NRG1: variants seen among roughly 807,000 people sequenced by gnomAD.
NRG1 encodes pro-neuregulin-1, membrane-bound isoform.
A neutral mutation model predicts 63.8 loss-of-function variants in NRG1; 18 were observed. The observed-to-expected ratio is 0.28, with a 90% CI of 0.19 to 0.42. The LOEUF (loss-of-function observed/expected upper bound fraction) is 0.42, where lower values mean the gene tolerates loss of function less well. Among genes scored for constraint, NRG1 ranks in the 10% least tolerant of loss-of-function variants. NRG1 has a pLI of 1.00. For synonymous variants in NRG1, 302 were observed against 301.3 expected (o/e 1.00, Z -0.02); for missense variants, 762 against 814.7 (o/e 0.94, Z 0.79).
At chr8:32,675,174 G>C (rs1273169232) in intron 5 of NRG1, among the ~76,000 whole-genome samples, 1 of 152,118 alleles carries the variant, frequency 6.6e-6, no homozygotes, top group Admixed American at 6.6e-5. Flanking sequence ...ATGTTCTGGT[G>C]AAAATTACTC....
At chr8:32,519,845 C>A (rs1303414249) in intron 1 of NRG1, among the ~76,000 whole-genome samples, 1 of 152,246 alleles carries the variant, frequency 6.6e-6, no homozygotes, top group East Asian at 1.9e-4. Context: ...CCCCAAATCT[C>A]TATACCCTTC....
rs570519480 is a variant in NRG1 at position 31,846,212 on chromosome 8, C to T, written c.37+206781C>T. On this transcript the variant is annotated intron_variant, in intron 1 of 10. Transcript: ENST00000519301. ...GGTGAATTCTAAAATTACCTTATAA[C>T]TTGATTTCAGAATATAGTTACACAA... Among the ~76,000 whole-genome samples the T allele has an allele frequency of 3.9e-5, 6 of 152,276 alleles. No individual in the cohort carries two copies. The East Asian group carries it at 9.6e-4, about 24-fold the overall frequency.
chr8:31,658,871 G>A lies in NRG1; in HGVS notation c.37+19440G>A, dbSNP rs543559788. ...AGACTAGCAATAGCAGCAGAATGAAGATGAATCTTGACTACTTGATTGCTG... is the reference window on the plus strand; with the variant it reads ...AGACTAGCAATAGCAGCAGAATGAAAATGAATCTTGACTACTTGATTGCTG... On this transcript the variant is annotated intron_variant, in intron 1 of 10. Transcript: ENST00000519301. 1.8e-4 allele frequency among the ~76,000 whole-genome samples: 27 copies of A among 152,298 alleles called. No homozygotes were observed. In the South Asian group the frequency reaches 5.2e-3, roughly 29 times the overall value.
chr8:31,713,109 ATTTTTTTTTTTT>A (rs11304829), intron 1 of NRG1, among the ~76,000 whole-genome samples: 3 of 86,042 alleles, frequency 3.5e-5, no homozygotes, highest in Non-Finnish European at 4.7e-5. Context: ...ACTCCTTCTA[ATTTTTTTTTTTT>A]TTTTTTTTTT....
chr8:32,678,364 A>G (rs553867004), intron 5 of NRG1, among the ~76,000 whole-genome samples: 1 of 152,210 alleles, frequency 6.6e-6, no homozygotes, highest in Non-Finnish European at 1.5e-5. Context: ...ATAATAATGT[A>G]AATGTCATCT....
intron 1 of NRG1, among the ~76,000 whole-genome samples, chr8:32,261,619 T>G (rs1404021761): frequency 6.6e-6 from 1 of 152,076 alleles, no homozygotes; most frequent in Non-Finnish European, 1.5e-5. Flanking sequence ...ACCCAAAATC[T>G]ATTGAATCAG....
At chr8:32,355,455 G>A (rs562082788) in intron 1 of NRG1, among the ~76,000 whole-genome samples, 48 of 152,018 alleles carry the variant, frequency 3.2e-4, no homozygotes, top group East Asian at 5.8e-4. Context: ...CAAGACTCCC[G>A]TCTCAAAAAA....
intron 5 of NRG1, among the ~76,000 whole-genome samples, chr8:32,641,384 C>T (rs1852370396): frequency 6.6e-6 from 1 of 152,016 alleles, no homozygotes; most frequent in African/African-American, 2.4e-5. Context: ...GTGCAACCAC[C>T]CCTTCCATCT....
At chr8:31,746,207 C>T (rs1815845203) in intron 1 of NRG1, among the ~76,000 whole-genome samples, 1 of 151,912 alleles carries the variant, frequency 6.6e-6, no homozygotes, top group South Asian at 2.1e-4. Flanking sequence ...TGTTTGAATA[C>T]ATGGCCACCA....
chr8:31,761,806 C>A (rs1275928713), intron 1 of NRG1, among the ~76,000 whole-genome samples: 2 of 152,044 alleles, frequency 1.3e-5, no homozygotes, highest in African/African-American at 4.8e-5. Flanking sequence ...AAATGTGACA[C>A]GGAGAGATGA....
intron 1 of NRG1, among the ~76,000 whole-genome samples, chr8:32,362,950 G>A (rs1459498478): frequency 1.3e-5 from 2 of 152,090 alleles, no homozygotes; most frequent in African/African-American, 2.4e-5. Context: ...ACAGCAGAGG[G>A]GCCCTCATTA....
chr8:32,652,671 AT>A (rs1429227569), intron 5 of NRG1, among the ~76,000 whole-genome samples: 6 of 152,216 alleles, frequency 3.9e-5, no homozygotes, highest in African/African-American at 7.2e-5. Flanking sequence ...TACAAAAAAA[AT>A]CTCTAGCCAA....
At chr8:31,742,969 T>C (rs1210044024) in intron 1 of NRG1, among the ~76,000 whole-genome samples, 2 of 152,006 alleles carry the variant, frequency 1.3e-5, no homozygotes, top group East Asian at 3.9e-4. Context: ...GATTTTTTTT[T>C]CAATAGCTAG....
chr8:32,580,999 C>T (rs1367023277), intron 1 of NRG1, among the ~76,000 whole-genome samples: 3 of 152,070 alleles, frequency 2.0e-5, no homozygotes, highest in Non-Finnish European at 2.9e-5. Flanking sequence ...TTTGTGCTCT[C>T]AGATTGTAAA....
chr8:32,742,062 C>T lies in NRG1; in HGVS notation c.633-613C>T. 1 of 1,613,422 alleles carries T rather than the reference C, an allele frequency of 6.2e-7. No homozygotes were observed. Among genetic ancestry groups the T allele is most frequent in the African/African-American group, 1.3e-5 (1 of 74,944 alleles). ...GTACTGAGAATGTGCCCATGAAAGT[C>T]CAAAACCAAGAAAGTATGTCAAAAT... On this transcript the variant is annotated intron_variant, in intron 6 of 11. Coordinates refer to ENST00000356819, the Ensembl canonical transcript of NRG1. This position sits in a 1 kb window ranked among gnomAD's most constrained non-coding sequence, Gnocchi z 4.2.
intron 1 of NRG1, among the ~76,000 whole-genome samples, chr8:32,442,066 T>C (rs1229331233): frequency 1.3e-5 from 2 of 152,192 alleles, no homozygotes; most frequent in Non-Finnish European, 2.9e-5. Context: ...TAATGTGTCA[T>C]GCAAATAAGG....
chr8:32,427,978 G>A (rs942230813), intron 1 of NRG1, among the ~76,000 whole-genome samples: 4 of 152,180 alleles, frequency 2.6e-5, no homozygotes, highest in African/African-American at 9.7e-5. Context: ...TTACAACAAC[G>A]GAAGTTTATT....
At chr8:31,671,167 A>C (rs533222836) in intron 1 of NRG1, among the ~76,000 whole-genome samples, 1 of 152,124 alleles carries the variant, frequency 6.6e-6, no homozygotes, top group Admixed American at 6.5e-5. Context: ...AAGGAACTCA[A>C]ATCAACAAAC....
chr8:31,963,003 T>C (rs1805719677), intron 1 of NRG1, among the ~76,000 whole-genome samples: 1 of 152,192 alleles, frequency 6.6e-6, no homozygotes, highest in Admixed American at 6.5e-5. Context: ...CCAGAAATGA[T>C]TTAAAAGTGA....
Sources: gnomAD v4.1 joint callset for allele counts (sites outside exome capture counted in the v4.1 genomes callset) on GRCh38, gnomAD v4.1.1 for gene constraint, Gnocchi (gnomAD v3.1) non-coding constraint, MANE v1.5 for transcripts, NCBI Gene and HGNC (gene_info 2026-07-23, HGNC 2026-07-21) for gene names.